Variants in CHODL observed in about 807,000 individuals in gnomAD.
The protein encoded by CHODL is chondrolectin.
Under a neutral mutation model 34.5 loss-of-function variants are expected in CHODL, and 29 were observed. The ratio of observed to expected loss-of-function variants is 0.84; its 90% CI spans 0.63 to 1.15. The LOEUF is 1.15. CHODL is among the 50% of genes most tolerant of loss of function. The probability of loss-of-function intolerance (pLI) is 0.00; values close to 1 mark genes in which losing one functional copy is unlikely to be tolerated. For missense variants in CHODL, 332 were observed against 332.5 expected (o/e 1.00, Z 0.01); for synonymous variants, 125 against 116.1 (o/e 1.08, Z -0.49).
Position 18,084,920 on chromosome 21 carries a change from A to AGTGTGTGTGT in CHODL, c.-45+56981_-45+56990dup, listed in dbSNP as rs376876845. On this transcript the variant is annotated intron_variant, in intron 2 of 6. Transcript: ENST00000400127. Reference sequence around the variant, plus strand: ...TATCTCTTTTGTTAGGTCTAGTAATAGTGTGTGTGTGTGTGTGTGTGTGTG... The same window carrying AGTGTGTGTGT: ...TATCTCTTTTGTTAGGTCTAGTAATAGTGTGTGTGTGTGTGTGTGTGTGTGTGTGTGTGTG... 8.4e-3 allele frequency among the ~76,000 whole-genome samples: 719 copies of AGTGTGTGTGT among 85,270 alleles called. 12 individuals carry two copies. The highest frequency in any genetic ancestry group is 0.042 in the East Asian group (188 of 4,424). 55.9% of individuals were successfully genotyped at this position (85,270 alleles called of 152,430 possible). A position where few individuals can be genotyped will look rare whatever the true frequency, so the allele number is the denominator to read the frequency against.
chr21:18,123,582 T>C (rs1478374692), intron 2 of CHODL, among the ~76,000 whole-genome samples: 1 of 152,146 alleles, frequency 6.6e-6, no homozygotes, highest in Non-Finnish European at 1.5e-5. Flanking sequence ...GAAATGAGCA[T>C]GCATGGCAGA....
At chr21:18,002,551 C>T (rs558962973) in intron 1 of CHODL, among the ~76,000 whole-genome samples, 1 of 152,234 alleles carries the variant, frequency 6.6e-6, no homozygotes, top group South Asian at 2.1e-4. Flanking sequence ...ATGATTCATC[C>T]TGATTTTGAA....
intron 1 of CHODL, among the ~76,000 whole-genome samples, chr21:18,021,814 AG>A (rs2064130237): frequency 0.028 from 2 of 72 alleles, no homozygotes; most frequent in Admixed American, 0.5. Flanking sequence ...TTGGAGGAAA[AG>A]AGAACCCAAG....
At chr21:18,016,564 C>A (rs1600898520) in intron 1 of CHODL, among the ~76,000 whole-genome samples, 1 of 151,850 alleles carries the variant, frequency 6.6e-6, no homozygotes, top group East Asian at 1.9e-4. Flanking sequence ...AGGGGTAGAG[C>A]CCTCATGGAG....
intron 2 of CHODL, among the ~76,000 whole-genome samples, chr21:18,235,321 T>C (rs752539742): frequency 6.6e-6 from 1 of 152,120 alleles, no homozygotes; most frequent in Non-Finnish European, 1.5e-5. Flanking sequence ...ATGCATTTTT[T>C]TCTAATTTTG....
At chr21:18,092,984 G>T (rs887061295) in intron 2 of CHODL, among the ~76,000 whole-genome samples, 2 of 152,118 alleles carry the variant, frequency 1.3e-5, no homozygotes, top group African/African-American at 4.8e-5. Flanking sequence ...TCAAGTACGA[G>T]AAGGTTATAG....
chr21:18,014,595 T>G (rs890200971), intron 1 of CHODL, among the ~76,000 whole-genome samples: 1 of 152,214 alleles, frequency 6.6e-6, no homozygotes, highest in Non-Finnish European at 1.5e-5. Flanking sequence ...GGGTGGATCC[T>G]TCATGGCTTG....
At chr21:18,116,099 G>T (rs2146568988) in intron 2 of CHODL, among the ~76,000 whole-genome samples, 1 of 151,956 alleles carries the variant, frequency 6.6e-6, no homozygotes, top group South Asian at 2.1e-4. Flanking sequence ...TTATTTAGGG[G>T]TACATGCAAA....
intron 1 of CHODL, among the ~76,000 whole-genome samples, chr21:17,961,612 T>A (rs1214800410): frequency 2.0e-5 from 3 of 152,206 alleles, no homozygotes; most frequent in African/African-American, 7.2e-5. Flanking sequence ...AGAGAAAAAG[T>A]CTGATTTACT....
At chr21:18,196,958 C>T (rs537793806) in intron 2 of CHODL, among the ~76,000 whole-genome samples, 2 of 152,102 alleles carry the variant, frequency 1.3e-5, no homozygotes, top group South Asian at 4.2e-4. Flanking sequence ...GAAAATAGAT[C>T]CTATATGTTC....
intron 1 of CHODL, among the ~76,000 whole-genome samples, chr21:17,930,342 T>G (rs560526712): frequency 6.6e-6 from 1 of 152,324 alleles, no homozygotes; most frequent in South Asian, 2.1e-4. Flanking sequence ...TTCATCTTAT[T>G]AGCAGCAGTT....
intron 2 of CHODL, among the ~76,000 whole-genome samples, chr21:18,140,371 G>C (rs2072786475): frequency 6.6e-6 from 1 of 152,086 alleles, no homozygotes; most frequent in South Asian, 2.1e-4. Context: ...CTTTCTATAT[G>C]ATGTAATTTT....
At chr21:18,026,676 A>G (rs1343507060) in intron 1 of CHODL, among the ~76,000 whole-genome samples, 2 of 152,140 alleles carry the variant, frequency 1.3e-5, no homozygotes, top group East Asian at 3.9e-4. Flanking sequence ...CTTTCTTCAC[A>G]TGCCAAAATT....
Position 18,059,768 on chromosome 21 carries a change from G to A in CHODL, c.-45+31797G>A, listed in dbSNP as rs114231000. On this transcript the variant is annotated intron_variant, in intron 2 of 6. Transcript: ENST00000400127. ...AGGAACAGAAAACCAAACACGGCAT[G>A]TTCTCACTTATAAGCGGGGAGTGAA... 7.2e-3 allele frequency among the ~76,000 whole-genome samples: 1,091 copies of A among 152,270 alleles called. 18 individuals carry two copies. Among genetic ancestry groups the A allele is most frequent in the African/African-American group, 0.025 (1,037 of 41,548 alleles).
intron 1 of CHODL, among the ~76,000 whole-genome samples, chr21:17,946,007 T>C (rs922708122): frequency 3.3e-5 from 5 of 152,188 alleles, no homozygotes; most frequent in Non-Finnish European, 7.3e-5. Context: ...AGAGCTGTTC[T>C]TTAGAAATGA....
chr21:18,020,538 G>A (rs1455337976), intron 1 of CHODL, among the ~76,000 whole-genome samples: 2 of 152,096 alleles, frequency 1.3e-5, no homozygotes, highest in East Asian at 3.9e-4. Flanking sequence ...AATTTTGAGA[G>A]ATGAAAACAA....
At chr21:18,159,649 T>C (rs750688944) in intron 2 of CHODL, among the ~76,000 whole-genome samples, 1 of 152,208 alleles carries the variant, frequency 6.6e-6, no homozygotes, top group Non-Finnish European at 1.5e-5. Context: ...TCAGAACCTG[T>C]GAATACTACT....
chr21:17,948,365 T>C (rs1448544501), intron 1 of CHODL, among the ~76,000 whole-genome samples: 1 of 151,442 alleles, frequency 6.6e-6, no homozygotes, highest in African/African-American at 2.4e-5. Context: ...ATAAACAAGC[T>C]AACATTACAC....
intron 2 of CHODL, among the ~76,000 whole-genome samples, chr21:18,227,514 C>G (rs953180836): frequency 3.3e-5 from 5 of 152,078 alleles, no homozygotes; most frequent in African/African-American, 1.2e-4. Context: ...ATGAAGAAGA[C>G]AAACATGATC....
Sources: allele counts gnomAD v4.1 joint callset (sites outside exome capture counted in the v4.1 genomes callset), GRCh38; gene constraint gnomAD v4.1.1; transcripts MANE v1.5; gene names NCBI Gene and HGNC (gene_info 2026-07-23, HGNC 2026-07-21).